The following CSMD1 variants were observed in gnomAD, a reference collection of about 807,000 sequenced individuals.
CSMD1 encodes CUB and Sushi multiple domains 1, also known as CUB and sushi domain-containing protein 1.
CSMD1 carries 213 observed loss-of-function variants against 417.5 expected under a neutral mutation model. That is an observed-to-expected ratio of 0.51 (90% CI 0.46 to 0.57). The LOEUF is 0.57. Ranked by LOEUF, CSMD1 falls within the 20% of genes least tolerant of loss-of-function variation. The pLI, the probability that CSMD1 is intolerant of heterozygous loss-of-function variation, is 0.00. For missense variants in CSMD1, 6,923 were observed against 4,529.7 expected (o/e 1.53, Z -15.17); for synonymous variants, 2,862 against 1,736.8 (o/e 1.65, Z -16.11).
chr8:3,306,499 G>T (rs374312855), intron 25 of CSMD1, among the ~76,000 whole-genome samples: 1 of 152,090 alleles, frequency 6.6e-6, no homozygotes, highest in Non-Finnish European at 1.5e-5. Context: ...TCAGCTTCAC[G>T]TATGTGTAGG....
chr8:4,186,585 G>C (rs562976743), intron 3 of CSMD1, among the ~76,000 whole-genome samples: 4 of 152,152 alleles, frequency 2.6e-5, no homozygotes, highest in Non-Finnish European at 5.9e-5. Context: ...TCTCAGCATT[G>C]CTAATGTCAA....
intron 5 of CSMD1, among the ~76,000 whole-genome samples, chr8:3,857,674 C>T (rs2129103721): frequency 6.6e-6 from 1 of 152,252 alleles, no homozygotes; most frequent in Admixed American, 6.5e-5. Context: ...AATTTTAATA[C>T]ACTTCTTAGA....
chr8:4,795,648 G>C (rs947034265), intron 1 of CSMD1, among the ~76,000 whole-genome samples: 1 of 151,994 alleles, frequency 6.6e-6, no homozygotes, highest in Non-Finnish European at 1.5e-5. Context: ...GGAATTTCTA[G>C]GATAAATGAG....
Position 3,781,532 on chromosome 8 carries a change from G to C in CSMD1, c.819-27490C>G, listed in dbSNP as rs555045983. Among the ~76,000 whole-genome samples the C allele has an allele frequency of 4.9e-4, 75 of 152,132 alleles. 3 individuals carry two copies. Among genetic ancestry groups the C allele is most frequent in the African/African-American group, 1.7e-3 (72 of 41,498 alleles). On this transcript the variant is annotated intron_variant, in intron 5 of 69. Coordinates refer to ENST00000635120, the MANE Select transcript of CSMD1 (RefSeq NM_033225.6). ...TGTGCGATTGTGGACATGGATATATGGTCTATCTGCTTACACACTGCTACT... is the reference window on the plus strand; with the variant it reads ...TGTGCGATTGTGGACATGGATATATCGTCTATCTGCTTACACACTGCTACT...
intron 26 of CSMD1, among the ~76,000 whole-genome samples, chr8:3,270,206 T>A (rs1801738557): frequency 6.6e-6 from 1 of 152,012 alleles, no homozygotes; most frequent in Non-Finnish European, 1.5e-5. Flanking sequence ...CATGCCACCA[T>A]GCCTTGCTAA....
intron 3 of CSMD1, among the ~76,000 whole-genome samples, chr8:4,366,205 T>A (rs978075811): frequency 1.3e-5 from 2 of 152,190 alleles, no homozygotes; most frequent in Non-Finnish European, 2.9e-5. Flanking sequence ...TTGCTTCACT[T>A]AGGATAATGG....
intron 18 of CSMD1, among the ~76,000 whole-genome samples, chr8:3,369,702 T>C (rs756354300): frequency 9.2e-5 from 14 of 152,222 alleles, no homozygotes; most frequent in African/African-American, 3.4e-4. Flanking sequence ...CAGCACTTCA[T>C]TGAGTTCAAA....
intron 1 of CSMD1, among the ~76,000 whole-genome samples, chr8:4,791,463 G>T (rs909315696): frequency 6.6e-6 from 1 of 152,168 alleles, no homozygotes; most frequent in Non-Finnish European, 1.5e-5. Flanking sequence ...ATCTTGAAAA[G>T]TGAACCTAAT....
intron 1 of CSMD1, among the ~76,000 whole-genome samples, chr8:4,728,143 T>C (rs1809591358): frequency 6.8e-6 from 1 of 147,352 alleles, no homozygotes; most frequent in South Asian, 2.1e-4. Context: ...CATACCTATA[T>C]ATCAAATATA....
chr8:4,416,095 G>A (rs529410132), intron 3 of CSMD1, among the ~76,000 whole-genome samples: 2 of 152,272 alleles, frequency 1.3e-5, no homozygotes, highest in East Asian at 3.9e-4. Context: ...CAATTGTTAT[G>A]AAAAATTGTG....
intron 10 of CSMD1, among the ~76,000 whole-genome samples, chr8:3,565,756 T>C (rs892684835): frequency 6.6e-6 from 1 of 151,810 alleles, no homozygotes; most frequent in Non-Finnish European, 1.5e-5. Flanking sequence ...AAGAAACGTG[T>C]AGTGTAAAAA....
chr8:4,631,742 A>C (rs1477276442), intron 2 of CSMD1, among the ~76,000 whole-genome samples: 2 of 152,206 alleles, frequency 1.3e-5, no homozygotes, highest in Non-Finnish European at 2.9e-5. Context: ...TTCTGATTTT[A>C]ATGGCCCTAT....
intron 2 of CSMD1, among the ~76,000 whole-genome samples, chr8:4,544,524 G>A (rs984256328): frequency 1.3e-5 from 2 of 151,968 alleles, no homozygotes; most frequent in South Asian, 4.1e-4. Flanking sequence ...ATCCACTGCT[G>A]ACTTTTAAAA....
intron 12 of CSMD1, among the ~76,000 whole-genome samples, chr8:3,444,004 G>GA (rs1396821227): frequency 6.6e-6 from 1 of 152,052 alleles, no homozygotes; most frequent in South Asian, 2.1e-4. Flanking sequence ...GAAGACATGA[G>GA]AAAAAACCTT....
rs750509509 is a variant in CSMD1, at chr8:2,966,773, C to T, written c.8924-27G>A. ...TGTTAGGCAAACAAGAACACCACCA[C>T]ACACAGTGAGTGACCCAGCATGAAA... On this transcript the variant is annotated intron_variant, in intron 57 of 69. Coordinates refer to ENST00000635120, the MANE Select transcript of CSMD1 (RefSeq NM_033225.6). 4.4e-6 allele frequency: 7 copies of T among 1,607,392 alleles called. No homozygotes were observed. In the South Asian group the frequency reaches 7.8e-5, roughly 18 times the overall value.
chr8:4,891,020 G>A (rs958780152), intron 1 of CSMD1, among the ~76,000 whole-genome samples: 14 of 152,066 alleles, frequency 9.2e-5, no homozygotes, highest in African/African-American at 3.4e-4. Flanking sequence ...CAAATAAATA[G>A]ATATGTGGAA....
intron 20 of CSMD1, among the ~76,000 whole-genome samples, chr8:3,361,837 G>T (rs912295925): frequency 5.3e-5 from 8 of 152,020 alleles, no homozygotes; most frequent in Non-Finnish European, 7.4e-5. Context: ...AACTTAGAAG[G>T]ACAGAAAGCC....
intron 1 of CSMD1, among the ~76,000 whole-genome samples, chr8:4,917,260 T>C (rs999314426): frequency 2.6e-5 from 4 of 152,038 alleles, no homozygotes; most frequent in Non-Finnish European, 4.4e-5. Context: ...AGGGGGATGG[T>C]TCTAAACCAT....
intron 3 of CSMD1, among the ~76,000 whole-genome samples, chr8:4,033,648 G>A (rs886933440): frequency 3.9e-5 from 6 of 152,152 alleles, no homozygotes; most frequent in South Asian, 2.1e-4. Flanking sequence ...TGAGGGCTGC[G>A]TCATGGGCCA....
Sources: allele counts gnomAD v4.1 joint callset (sites outside exome capture counted in the v4.1 genomes callset), GRCh38; gene constraint gnomAD v4.1.1; transcripts MANE v1.5; gene names NCBI Gene and HGNC (gene_info 2026-07-23, HGNC 2026-07-21).